Variants in ABAT observed in about 807,000 individuals in gnomAD.
ABAT encodes the protein 4-aminobutyrate aminotransferase, mitochondrial.
In ABAT, 45 loss-of-function variants were observed where a neutral mutation model predicts 64.6. That is an observed-to-expected ratio of 0.70 (90% CI 0.55 to 0.89). ABAT has a LOEUF of 0.89. ABAT is among the 40% of genes least tolerant of loss of function. The pLI, the probability that ABAT is intolerant of heterozygous loss-of-function variation, is 0.00. For missense variants in ABAT, 633 were observed against 658.4 expected (o/e 0.96, Z 0.42); for synonymous variants, 297 against 250.5 (o/e 1.19, Z -1.75).
At chr16:8,681,458 CTT>C (rs34327953) in intron 1 of ABAT, among the ~76,000 whole-genome samples, 4 of 133,682 alleles carry the variant, frequency 3.0e-5, no homozygotes, top group Non-Finnish European at 4.7e-5. Flanking sequence ...AGCCTCTACA[CTT>C]TTTTTTTTTT....
chr16:8,734,484 G>A lies in ABAT; in HGVS notation c.-41-1215G>A, dbSNP rs1196387042. 1.3e-5 allele frequency among the ~76,000 whole-genome samples: 2 copies of A among 152,204 alleles called. 1 individual carries two copies. The highest frequency in any genetic ancestry group is 3.8e-4 in the East Asian group (2 of 5,202). ...TTGCTGACTCTGGGGTCACACACAT[G>A]TGAGTTCGGCTTTCAGATCCACCAC... is the stretch of plus-strand genomic sequence containing the variant. On this transcript the variant is annotated intron_variant, in intron 1 of 15. Transcript: ENST00000268251.
intron 2 of ABAT, among the ~76,000 whole-genome samples, chr16:8,740,076 C>T (rs1183095905): frequency 6.6e-6 from 1 of 151,966 alleles, no homozygotes; most frequent in South Asian, 2.1e-4. Flanking sequence ...ACCCATTTAG[C>T]CCTCACCTCC....
chr16:8,758,488 C>G (rs900468274), intron 6 of ABAT, among the ~76,000 whole-genome samples: 1 of 152,080 alleles, frequency 6.6e-6, no homozygotes, highest in Non-Finnish European at 1.5e-5. Flanking sequence ...CCAAGGAGGA[C>G]TGGAGTAGCA....
At chr16:8,761,503 A>G (rs965896596) in intron 6 of ABAT, among the ~76,000 whole-genome samples, 1 of 152,144 alleles carries the variant, frequency 6.6e-6, no homozygotes, top group Non-Finnish European at 1.5e-5. Flanking sequence ...AATGCTTCCA[A>G]TGTGCCAAGC....
At chr16:8,708,426 C>G (rs2057996876) in intron 1 of ABAT, among the ~76,000 whole-genome samples, 1 of 151,978 alleles carries the variant, frequency 6.6e-6, no homozygotes, top group African/African-American at 2.4e-5. Flanking sequence ...TTTTTATTTT[C>G]TGTAGAGACA....
chr16:8,781,425 A>G lies in ABAT; in HGVS notation c.1498A>G (p.Lys500Glu), dbSNP rs1209804449. 5 of 1,614,176 alleles carry G rather than the reference A, an allele frequency of 3.1e-6. No individual in the cohort carries two copies. Among genetic ancestry groups the G allele is most frequent in the Non-Finnish European group, 4.2e-6 (5 of 1,180,032 alleles). The change falls in exon 16 of 16, where the codon AAG (lysine) becomes GAG (glutamate). Residue 500 changes from lysine (K) to glutamate (E), a missense_variant. Transcript: ENST00000268251. This position sits in a 1 kb window ranked among gnomAD's most constrained non-coding sequence, Gnocchi z 4.5. The part of the protein sequence containing the change: ...NIFSDILADF[K>E] ...TTTCAGTGACATCTTAGCAGACTTC[A>G]AGTAAAGAAGCCATTTCCACTACAG... is the stretch of plus-strand genomic sequence containing the variant.
chr16:8,702,738 CA>C, intron 1 of ABAT, among the ~76,000 whole-genome samples: 1 of 152,218 alleles, frequency 6.6e-6, no homozygotes, highest in South Asian at 2.1e-4. Flanking sequence ...CAAACCATAT[CA>C]GGGGACCACT....
chr16:8,677,028 C>G (rs536094403), intron 1 of ABAT, among the ~76,000 whole-genome samples: 1 of 152,114 alleles, frequency 6.6e-6, no homozygotes, highest in African/African-American at 2.4e-5. Context: ...TTTGCCAAGG[C>G]GAAGTTCAAA....
intron 5 of ABAT, chr16:8,757,106 G>C: frequency 2.2e-6 from 1 of 453,452 alleles, no homozygotes; most frequent in Non-Finnish European, 4.4e-6. Context: ...CCAGCACTAG[G>C]GCCTGTTGAA....
rs765935482 is a variant in ABAT, at chr16:8,781,454, G to C, written c.*24G>C. The C allele has an allele frequency of 6.2e-7, 1 of 1,614,040 alleles. No individual in the cohort carries two copies. Among genetic ancestry groups the C allele is most frequent in the South Asian group, 1.1e-5 (1 of 91,078 alleles). On this transcript the variant is annotated 3_prime_UTR_variant, in exon 16 of 16. Transcript: ENST00000268251. This position sits in a 1 kb window ranked among gnomAD's most constrained non-coding sequence, Gnocchi z 4.5. ...AAAGAAGCCATTTCCACTACAGTGA[G>C]AAAGCCCGGATCCCAACAGTTGTCA... is the stretch of plus-strand genomic sequence containing the variant.
rs1336106391 is a variant in ABAT, at chr16:8,693,590, T to C, written c.-42+18879T>C. ...TTCACGTGATCCTCATGCCTCGGCCTCCTGAGTAGCTGGGATTATAGGCAT... is the reference window on the plus strand; with the variant it reads ...TTCACGTGATCCTCATGCCTCGGCCCCCTGAGTAGCTGGGATTATAGGCAT... On this transcript the variant is annotated intron_variant, in intron 1 of 15. Coordinates refer to ENST00000268251, the MANE Select transcript of ABAT (RefSeq NM_020686.6). Among the ~76,000 whole-genome samples, 15 of 152,176 alleles carry C rather than the reference T, an allele frequency of 9.9e-5. No individual in the cohort carries two copies. In the East Asian group the frequency reaches 2.9e-3, roughly 29 times the overall value.
chr16:8,702,879 C>T (rs191147044), intron 1 of ABAT, among the ~76,000 whole-genome samples: 20 of 152,126 alleles, frequency 1.3e-4, no homozygotes, highest in Non-Finnish European at 2.4e-4. Context: ...TAGGACACGG[C>T]GGGAGCCCTG....
At chr16:8,737,785 G>A (rs185505342) in intron 2 of ABAT, among the ~76,000 whole-genome samples, 7 of 149,242 alleles carry the variant, frequency 4.7e-5, no homozygotes, top group African/African-American at 1.2e-4. Flanking sequence ...AAAATTAGCC[G>A]GGTGTGGTGG....
At chr16:8,725,434 T>A (rs998890601) in intron 1 of ABAT, among the ~76,000 whole-genome samples, 1 of 152,210 alleles carries the variant, frequency 6.6e-6, no homozygotes, top group Non-Finnish European at 1.5e-5. Context: ...ATTCACCTAC[T>A]CTTGAAGGTT....
intron 2 of ABAT, among the ~76,000 whole-genome samples, chr16:8,743,006 T>TCAA (rs1271468480): frequency 3.4e-5 from 1 of 29,472 alleles, no homozygotes; most frequent in Non-Finnish European, 9.6e-5. Context: ...CCTCATTTCT[T>TCAA]TAAAAAAAAA....
chr16:8,675,862 A>C (rs2057187271), intron 1 of ABAT, among the ~76,000 whole-genome samples: 1 of 151,986 alleles, frequency 6.6e-6, no homozygotes, highest in African/African-American at 2.4e-5. Flanking sequence ...GAGGGCCCGC[A>C]TTTCCCCCCT....
chr16:8,729,145 GA>G (rs56095207), intron 1 of ABAT, among the ~76,000 whole-genome samples: 4 of 145,774 alleles, frequency 2.7e-5, no homozygotes, highest in South Asian at 2.2e-4. Flanking sequence ...TGGCTCTACT[GA>G]AAAAAAAAAA....
chr16:8,729,487 A>G (rs769958081), intron 1 of ABAT, among the ~76,000 whole-genome samples: 18 of 152,014 alleles, frequency 1.2e-4, no homozygotes, highest in Admixed American at 2.6e-4. Flanking sequence ...ACTCCTATAG[A>G]TGTTTGAGCA....
chr16:8,701,808 C>G (rs1346576484), intron 1 of ABAT, among the ~76,000 whole-genome samples: 1 of 152,104 alleles, frequency 6.6e-6, no homozygotes, highest in Non-Finnish European at 1.5e-5. Flanking sequence ...GGGCGGGAGC[C>G]CCTGGCTCTC....
Sources: gnomAD v4.1 joint callset for allele counts (sites outside exome capture counted in the v4.1 genomes callset) on GRCh38, gnomAD v4.1.1 for gene constraint, Gnocchi (gnomAD v3.1) non-coding constraint, MANE v1.5 for transcripts, NCBI Gene and HGNC (gene_info 2026-07-23, HGNC 2026-07-21) for gene names.